The following POLR3GL variants were observed in gnomAD, a reference collection of about 807,000 sequenced individuals.
POLR3GL encodes the protein DNA-directed RNA polymerase III subunit RPC7-like.
In POLR3GL, 26 loss-of-function variants were observed where a neutral mutation model predicts 32.4. The ratio of observed to expected loss-of-function variants is 0.80; its 90% CI spans 0.59 to 1.11. The LOEUF is 1.11. Among genes scored for constraint, POLR3GL ranks in the 50% most tolerant of loss-of-function variants. The pLI is 0.00. For synonymous variants in POLR3GL, 95 were observed against 98.7 expected (o/e 0.96, Z 0.22); for missense variants, 229 against 280.1 (o/e 0.82, Z 1.30).
In POLR3GL at chr1:145,978,520, A is replaced by C. The variant is rs782360206; in HGVS notation, c.*73A>C. Reference sequence around the variant, plus strand: ...CTGTACCTATTATTTGTTTCTTCAGACAAGCAAATCATTTGGTCAGAGTTC... The same window carrying C: ...CTGTACCTATTATTTGTTTCTTCAGCCAAGCAAATCATTTGGTCAGAGTTC... On this transcript the variant is annotated 3_prime_UTR_variant, in exon 8 of 8. Coordinates refer to ENST00000369314, the MANE Select transcript of POLR3GL (RefSeq NM_032305.3). 6.1e-6 allele frequency: 6 copies of C among 978,760 alleles called. No individual in the cohort carries two copies. Among genetic ancestry groups the C allele is most frequent in the Non-Finnish European group, 6.5e-6 (4 of 616,756 alleles). The allele number at this position is 978,760 out of a possible 1,614,324, so 60.6% of individuals were successfully genotyped here. A position where few individuals can be genotyped will look rare whatever the true frequency, so the allele number is the denominator to read the frequency against.
At chr1:145,975,564 C>T in intron 3 of POLR3GL, 128 bp downstream of exon 3, 1 of 1,043,116 alleles carries the variant, frequency 9.6e-7, no homozygotes, top group Non-Finnish European at 1.4e-6. Context: ...ATAGTTACCC[C>T]TGTATCTGAA....
Position 145,977,223 on chromosome 1 carries a change from C to T in POLR3GL, c.325+71C>T, listed in dbSNP as rs186029758. ...GGGATGCTTCAAGCTATTCCCACCA[C>T]GCCCATGACCCCACCCCATTCCCCG... On this transcript the variant is annotated intron_variant, in intron 4 of 7. Transcript: ENST00000369314. 1.7e-3 allele frequency: 2,244 copies of T among 1,304,616 alleles called. 9 individuals carry two copies. Among genetic ancestry groups the T allele is most frequent in the Non-Finnish European group, 2.2e-3 (2,014 of 898,032 alleles). 80.8% of individuals were successfully genotyped at this position (1,304,616 alleles called of 1,614,324 possible).
chr1:145,977,024 C>G, intron 3 of POLR3GL, 60 bp from the exon 4 acceptor site: 1 of 1,401,578 alleles, frequency 7.1e-7, no homozygotes, highest in South Asian at 1.2e-5. Context: ...GCTGGACTCT[C>G]AGGAACAGTC....
intron 1 of POLR3GL, among the ~76,000 whole-genome samples, chr1:145,969,915 CT>C (rs1650203917): frequency 7.1e-6 from 1 of 140,378 alleles, no homozygotes; most frequent in Admixed American, 7.2e-5. Context: ...GAGCAAGACT[CT>C]GTCTCAAAAA....
chr1:145,976,803 C>T (rs1553763458), intron 3 of POLR3GL, among the ~76,000 whole-genome samples: 1 of 149,886 alleles, frequency 6.7e-6, no homozygotes. Context: ...GTCCCAGCTA[C>T]TCAGGAGACT....
rs368058840 is a variant in POLR3GL at position 145,978,232 on chromosome 1, C to CCT, written c.571-128_571-127dup. On this transcript the variant is annotated intron_variant, in intron 7 of 7. Coordinates refer to ENST00000369314, the MANE Select transcript of POLR3GL (RefSeq NM_032305.3). ...GGCTTCTCTCTACTTCATCTGCCCC[C>CCT]CTTCTACAAACTACAGCTGGAAGAG... 3,939 of 1,343,360 alleles carry CCT rather than the reference C, an allele frequency of 2.9e-3. 22 individuals carry two copies. Among genetic ancestry groups the CCT allele is most frequent in the South Asian group, 6.7e-3 (501 of 74,710 alleles). The allele number at this position is 1,343,360 out of a possible 1,614,324, so 83.2% of individuals were successfully genotyped here. A position where few individuals can be genotyped will look rare whatever the true frequency, so the allele number is the denominator to read the frequency against.
chr1:145,967,941 C>G (rs997032207), intron 1 of POLR3GL, among the ~76,000 whole-genome samples: 1 of 152,176 alleles, frequency 6.6e-6, no homozygotes. Flanking sequence ...AAATAAATTA[C>G]CAGAGTTTTG....
intron 1 of POLR3GL, among the ~76,000 whole-genome samples, chr1:145,965,603 C>T (rs1443441225): frequency 2.6e-5 from 4 of 152,250 alleles, no homozygotes; most frequent in African/African-American, 7.2e-5. Flanking sequence ...TCATGCTGAT[C>T]ATAGGGAATC....
At chr1:145,975,235 T>G in intron 2 of POLR3GL, 72 bp from the exon 3 acceptor site, 1 of 1,570,292 alleles carries the variant, frequency 6.4e-7, no homozygotes, top group Non-Finnish European at 8.7e-7. Context: ...TAGACTAAAT[T>G]GGGAGGAGGG....
chr1:145,972,444 A>T (rs1040113609), intron 1 of POLR3GL, among the ~76,000 whole-genome samples: 2 of 151,698 alleles, frequency 1.3e-5, no homozygotes, highest in African/African-American at 4.8e-5. Flanking sequence ...GAGTGTCTAC[A>T]TATTTTATTT....
chr1:145,978,087 A>G lies in POLR3GL; in HGVS notation c.561A>G (p.Glu187=). 1 of 1,597,652 alleles carries G rather than the reference A, an allele frequency of 6.3e-7. No individual in the cohort carries two copies. The highest frequency in any genetic ancestry group is 1.1e-5 in the South Asian group (1 of 89,486). Reference sequence around the variant, plus strand: ...AAGAAGAAGAGTATGATGAAGAAGAACATGAAGAGGTGAAGGGGACTCCTT... The same window carrying G: ...AAGAAGAAGAGTATGATGAAGAAGAGCATGAAGAGGTGAAGGGGACTCCTT... ...EEEEEEYDEE[E]HEEETDYIMS... is the part of the protein sequence containing the mutation. Residue 187 remains glutamate, a synonymous_variant, in exon 7 of 8, where the codon GAA becomes GAG. Coordinates refer to ENST00000369314, the MANE Select transcript of POLR3GL (RefSeq NM_032305.3).
Position 145,978,045 on chromosome 1 carries a change from AGAG to A in POLR3GL, c.520_522del (p.Glu174del), listed in dbSNP as rs1553763795. 1 of 1,597,082 alleles carries A rather than the reference AGAG, an allele frequency of 6.3e-7. No homozygotes were observed. The highest frequency in any genetic ancestry group is 2.2e-5 in the East Asian group (1 of 44,800). On this transcript the variant is annotated inframe_deletion, in exon 7 of 8. Transcript: ENST00000369314. ...AGGATGAGGAGAAAGAAGAAGAAGA[AGAG>A]AAGGAAGAGGAGGAAGAAGAAGAGT...
At chr1:145,969,921 CAAA>C (rs1353132714) in intron 1 of POLR3GL, among the ~76,000 whole-genome samples, 5 of 65,062 alleles carry the variant, frequency 7.7e-5, no homozygotes, top group Non-Finnish European at 3.2e-5. Flanking sequence ...GACTCTGTCT[CAAA>C]AAAAAAAAAA....
intron 1 of POLR3GL, among the ~76,000 whole-genome samples, chr1:145,972,049 G>T (rs1336713364): frequency 9.8e-5 from 14 of 143,458 alleles, no homozygotes; most frequent in African/African-American, 3.7e-4. Context: ...TAGAGAGAGA[G>T]AGAGAGAGAA....
Position 145,977,077 on chromosome 1 carries a change from C to T in POLR3GL, c.257-7C>T. 6.2e-7 allele frequency: 1 copy of T among 1,612,618 alleles called. No homozygotes were observed. The highest frequency in any genetic ancestry group is 8.5e-7 in the Non-Finnish European group (1 of 1,178,736). On this transcript the variant is annotated splice_polypyrimidine_tract_variant and splice_region_variant and intron_variant, in intron 3 of 7. Coordinates refer to ENST00000369314, the MANE Select transcript of POLR3GL (RefSeq NM_032305.3). ...AGGGATAAAACTTTGACCCTTCCAC[C>T]CCTCAGATGTGGAGCGTTATTCAGA...
intron 1 of POLR3GL, among the ~76,000 whole-genome samples, chr1:145,966,116 CAAAAAAAAAAAAAA>C (rs58691867): frequency 2.7e-5 from 1 of 37,170 alleles, no homozygotes; most frequent in South Asian, 1.1e-3. Context: ...AACTCCCTCT[CAAAAAAAAAAAAAA>C]AAAAAAAAAA....
intron 3 of POLR3GL, among the ~76,000 whole-genome samples, chr1:145,976,527 A>C (rs1553763421): frequency 6.6e-6 from 1 of 151,730 alleles, no homozygotes; most frequent in Non-Finnish European, 1.5e-5. Flanking sequence ...CAGTGGGCTG[A>C]GATCACGCCA....
intron 1 of POLR3GL, among the ~76,000 whole-genome samples, chr1:145,967,130 T>C (rs1650072710): frequency 6.6e-6 from 1 of 152,034 alleles, no homozygotes; most frequent in Non-Finnish European, 1.5e-5. Context: ...ATTATTTAAA[T>C]CTTTGTCACT....
In POLR3GL at chr1:145,978,057, G is replaced by A. The variant is rs587693497; in HGVS notation, c.531G>A (p.Glu177=). Residue 177 remains glutamate, a synonymous_variant, in exon 7 of 8, where the codon GAG becomes GAA. Coordinates refer to ENST00000369314, the MANE Select transcript of POLR3GL (RefSeq NM_032305.3). Reference sequence around the variant, plus strand: ...AAGAAGAAGAAGAAGAGAAGGAAGAGGAGGAAGAAGAAGAGTATGATGAAG... The same window carrying A: ...AAGAAGAAGAAGAAGAGAAGGAAGAAGAGGAAGAAGAAGAGTATGATGAAG... The part of the protein sequence containing the change: ...EEKEEEEEKE[E]EEEEEYDEEE... The A allele has an allele frequency of 5.5e-4, 889 of 1,604,458 alleles. 12 individuals are homozygous for A. The South Asian group carries it at 9.2e-3, about 17-fold the overall frequency.
Sources: gnomAD v4.1 joint callset for allele counts (sites outside exome capture counted in the v4.1 genomes callset) on GRCh38, gnomAD v4.1.1 for gene constraint, MANE v1.5 for transcripts, NCBI Gene and HGNC (gene_info 2026-07-23, HGNC 2026-07-21) for gene names.